The following NAALADL2 variants were observed in gnomAD, a reference collection of about 807,000 sequenced individuals.
The protein encoded by NAALADL2 is N-acetylated alpha-linked acidic dipeptidase like 2.
NAALADL2 carries 76 observed loss-of-function variants against 87.2 expected under a neutral mutation model. The ratio of observed to expected loss-of-function variants is 0.87; its 90% confidence interval spans 0.72 to 1.05. NAALADL2 has a LOEUF of 1.05. Among genes scored for constraint, NAALADL2 ranks in the 50% least tolerant of loss-of-function variants. The probability of loss-of-function intolerance (pLI) is 0.00; values close to 1 mark genes in which losing one functional copy is unlikely to be tolerated. For synonymous variants in NAALADL2, 354 were observed against 331.0 expected, an observed-to-expected ratio of 1.07 and a Z score of -0.75; for missense variants, 1,089 against 945.8, an observed-to-expected ratio of 1.15 and a Z score of -1.99.
intron 3 of NAALADL2, among the ~76,000 whole-genome samples, chr3:174,821,201 T>C (rs1025816205): frequency 6.6e-6 from 1 of 152,196 alleles, no homozygotes; most frequent in Non-Finnish European, 1.5e-5. Context: ...TTCAGACCTA[T>C]ATAGGTTTGT....
chr3:175,039,524 G>A lies in NAALADL2; in HGVS notation c.44-57266G>A, dbSNP rs534212983. 5.0e-4 allele frequency among the ~76,000 whole-genome samples: 76 copies of A among 152,110 alleles called. 2 individuals carry two copies. The highest frequency in any genetic ancestry group is 1.0e-3 in the Non-Finnish European group (68 of 68,024). On this transcript the variant is annotated intron_variant, in intron 1 of 13. Coordinates refer to ENST00000454872, the MANE Select transcript of NAALADL2 (RefSeq NM_207015.3). Reference sequence around the variant, plus strand: ...GGCAGGCAGTGTCTTCTGAGACCTGGACAATAGGGTTATGTAGTATAATTT... The same window carrying A: ...GGCAGGCAGTGTCTTCTGAGACCTGAACAATAGGGTTATGTAGTATAATTT...
At chr3:175,481,943 C>T (rs1468530205) in intron 9 of NAALADL2, among the ~76,000 whole-genome samples, 1 of 151,860 alleles carries the variant, frequency 6.6e-6, no homozygotes, top group Non-Finnish European at 1.5e-5. Flanking sequence ...TAGATATAAA[C>T]TTTAATACAT....
At chr3:174,465,240 A>G (rs1258377101) in intron 1 of NAALADL2, among the ~76,000 whole-genome samples, 2 of 152,146 alleles carry the variant, frequency 1.3e-5, no homozygotes, top group Non-Finnish European at 2.9e-5. Context: ...TGGTATTGAA[A>G]AAAGGTAATT....
chr3:175,042,278 C>A (rs1220108196), intron 1 of NAALADL2, among the ~76,000 whole-genome samples: 3 of 152,050 alleles, frequency 2.0e-5, no homozygotes, highest in Non-Finnish European at 4.4e-5. Flanking sequence ...AAATAATTTA[C>A]TATATATATA....
chr3:175,717,554 T>C (rs1741481191), intron 11 of NAALADL2, among the ~76,000 whole-genome samples: 1 of 151,604 alleles, frequency 6.6e-6, no homozygotes, highest in African/African-American at 2.4e-5. Flanking sequence ...TAGCTAGACG[T>C]AGTGGCGCAG....
At chr3:175,610,695 T>C (rs1674644435) in intron 10 of NAALADL2, among the ~76,000 whole-genome samples, 1 of 152,118 alleles carries the variant, frequency 6.6e-6, no homozygotes, top group South Asian at 2.1e-4. Context: ...CTGATAAAGA[T>C]TCAGAGACAT....
chr3:174,972,722 G>A (rs2108614098), intron 1 of NAALADL2, among the ~76,000 whole-genome samples: 1 of 152,190 alleles, frequency 6.6e-6, no homozygotes, highest in African/African-American at 2.4e-5. Context: ...TAGGCCTGGG[G>A]CAGTGTCTCA....
intron 2 of NAALADL2, among the ~76,000 whole-genome samples, chr3:174,702,485 C>A (rs1409009551): frequency 1.3e-5 from 2 of 152,086 alleles, no homozygotes; most frequent in South Asian, 4.2e-4. Context: ...TCATTAAAAT[C>A]TAATGTATGG....
chr3:175,618,176 C>T (rs1194446766), intron 10 of NAALADL2, among the ~76,000 whole-genome samples: 1 of 152,168 alleles, frequency 6.6e-6, no homozygotes, highest in African/African-American at 2.4e-5. Context: ...CCTCTATATA[C>T]CTGTCACGGT....
rs1491162200 is a variant in NAALADL2 at position 175,809,510 on chromosome 3, T to TAAAAAAAAAAAAAAAAAAAAAAAAAAA, written c.*6307_*6308insAAAAAAAAAAAAAAAAAAAAAAAAAAA. 8.7e-5 allele frequency: 3 copies of TAAAAAAAAAAAAAAAAAAAAAAAAAAA among 34,374 alleles called. 1 individual carries two copies. The highest frequency in any genetic ancestry group is 1.3e-4 in the African/African-American group (2 of 15,088). 2.1% of individuals were successfully genotyped at this position (34,374 alleles called of 1,614,324 possible). A position where few individuals can be genotyped will look rare whatever the true frequency, so the allele number is the denominator to read the frequency against. ...GCAACAAAGTGAGACCCTGTCTCTC[T>TAAAAAAAAAAAAAAAAAAAAAAAAAAA]TAAAAAAAAAAAAAAAAAAAAAAAA... is the stretch of plus-strand genomic sequence containing the variant. On this transcript the variant is annotated 3_prime_UTR_variant, in exon 14 of 14. Transcript: ENST00000454872.
intron 11 of NAALADL2, among the ~76,000 whole-genome samples, chr3:175,677,323 C>G (rs1734924857): frequency 6.6e-6 from 1 of 151,792 alleles, no homozygotes; most frequent in South Asian, 2.1e-4. Flanking sequence ...AGATCGTGCC[C>G]TTGCACTCCA....
At chr3:174,837,698 G>A in intron 3 of NAALADL2, among the ~76,000 whole-genome samples, 1 of 152,074 alleles carries the variant, frequency 6.6e-6, no homozygotes. Context: ...GGAGGCTGAG[G>A]CAGGAGAATT....
chr3:174,967,874 G>T (rs972764082), intron 1 of NAALADL2, among the ~76,000 whole-genome samples: 1 of 152,182 alleles, frequency 6.6e-6, no homozygotes, highest in Admixed American at 6.5e-5. Flanking sequence ...AAGTCTTGGG[G>T]TGGTTGTTAT....
In NAALADL2 at chr3:175,032,944, T is replaced by C. The variant is rs541893134; in HGVS notation, c.44-63846T>C. On this transcript the variant is annotated intron_variant, in intron 1 of 13. Coordinates refer to ENST00000454872, the MANE Select transcript of NAALADL2 (RefSeq NM_207015.3). ...GGATGCCATAGCTCTCCTGTCATGT[T>C]CATTTGTTAATGCCATCTCAGCATT... Among the ~76,000 whole-genome samples the C allele has an allele frequency of 4.6e-5, 7 of 152,216 alleles. No individual in the cohort carries two copies. In the South Asian group the frequency reaches 1.5e-3, roughly 32 times the overall value.
intron 3 of NAALADL2, among the ~76,000 whole-genome samples, chr3:174,819,827 G>A (rs540405625): frequency 7.9e-5 from 12 of 152,214 alleles, no homozygotes; most frequent in Middle Eastern, 3.4e-3. Flanking sequence ...TTCAAGACTC[G>A]TGTTCATGAG....
intron 10 of NAALADL2, among the ~76,000 whole-genome samples, chr3:175,591,083 AT>A (rs1466820096): frequency 6.6e-6 from 1 of 152,140 alleles, no homozygotes; most frequent in Middle Eastern, 3.2e-3. Context: ...ATTCCCTGAT[AT>A]TTTTTAGGAG....
At chr3:175,413,991 T>G (rs1278292863) in intron 5 of NAALADL2, among the ~76,000 whole-genome samples, 1 of 152,186 alleles carries the variant, frequency 6.6e-6, no homozygotes, top group Non-Finnish European at 1.5e-5. Flanking sequence ...ACCCAGTGTT[T>G]CCTTGTCTTC....
chr3:174,760,818 C>A (rs182485974), intron 3 of NAALADL2, among the ~76,000 whole-genome samples: 487 of 152,332 alleles, frequency 3.2e-3, no homozygotes, highest in Middle Eastern at 0.014. Context: ...AAACCAAACA[C>A]TTGTTTTGAA....
chr3:174,925,058 T>C (rs926807865), intron 1 of NAALADL2, among the ~76,000 whole-genome samples: 3 of 152,150 alleles, frequency 2.0e-5, no homozygotes, highest in African/African-American at 7.2e-5. Flanking sequence ...TTGCTGTGTG[T>C]AAGCTCTTTC....
Sources: allele counts gnomAD v4.1 joint callset (sites outside exome capture counted in the v4.1 genomes callset), GRCh38; gene constraint gnomAD v4.1.1; transcripts MANE v1.5; gene names NCBI Gene and HGNC (gene_info 2026-07-23, HGNC 2026-07-21).